TNFSF11: variants seen among roughly 807,000 people sequenced by gnomAD.
TNFSF11 encodes the protein TNF superfamily member 11.
A neutral mutation model predicts 32.2 loss-of-function variants in TNFSF11; 12 were observed. That is an observed-to-expected ratio of 0.37 (90% CI 0.24 to 0.60). The LOEUF (loss-of-function observed/expected upper bound fraction) is 0.60, where lower values mean the gene tolerates loss of function less well. Ranked by LOEUF, TNFSF11 falls within the 20% of genes least tolerant of loss-of-function variation. TNFSF11 has a pLI of 0.66. For missense variants in TNFSF11, 345 were observed against 398.0 expected (o/e 0.87, Z 1.13); for synonymous variants, 172 against 152.1 (o/e 1.13, Z -0.96).
intron 2 of TNFSF11, among the ~76,000 whole-genome samples, chr13:42,569,108 T>C (rs928438085): frequency 6.6e-6 from 1 of 152,136 alleles, no homozygotes; most frequent in African/African-American, 2.4e-5. Context: ...AAGGAATCCA[T>C]ATCCTAAGCC....
intron 2 of TNFSF11, among the ~76,000 whole-genome samples, chr13:42,568,166 G>A (rs988847752): frequency 1.3e-5 from 2 of 152,216 alleles, no homozygotes; most frequent in Non-Finnish European, 2.9e-5. Flanking sequence ...TGGGACGCAC[G>A]TAACATGCAT....
At chr13:42,599,842 T>C (rs578143894) in intron 2 of TNFSF11, among the ~76,000 whole-genome samples, 12 of 152,318 alleles carry the variant, frequency 7.9e-5, no homozygotes, top group Admixed American at 7.8e-4. Context: ...AGTGCTGGGA[T>C]GATGGGTATA....
At chr13:42,570,564 G>C (rs1464887917), upstream of TNFSF11, among the ~76,000 whole-genome samples, 1 of 152,016 alleles carries the variant, frequency 6.6e-6, no homozygotes, top group East Asian at 1.9e-4. Flanking sequence ...TAGCTTACAA[G>C]GCTTTCACTC....
chr13:42,585,112 T>A (rs1873821893), intron 2 of TNFSF11, among the ~76,000 whole-genome samples: 1 of 152,272 alleles, frequency 6.6e-6, no homozygotes. Flanking sequence ...GTTTGCCAAA[T>A]GTGTTATCCT....
chr13:42,597,631 A>G (rs1868894179), intron 2 of TNFSF11, among the ~76,000 whole-genome samples: 1 of 152,064 alleles, frequency 6.6e-6, no homozygotes, highest in Non-Finnish European at 1.5e-5. Flanking sequence ...AGGGATTGTC[A>G]TTCTCAGATG....
At chr13:42,581,336 C>G (rs1311529571) in intron 2 of TNFSF11, 43 bp downstream of exon 2, 5 of 1,607,118 alleles carry the variant, frequency 3.1e-6, no homozygotes, top group Non-Finnish European at 4.3e-6. Context: ...CCCTTGCTGA[C>G]TCTACCAATA....
chr13:42,570,653 T>A (rs1873029114), upstream of TNFSF11, among the ~76,000 whole-genome samples: 1 of 152,186 alleles, frequency 6.6e-6, no homozygotes, highest in Non-Finnish European at 1.5e-5. Flanking sequence ...GAATTTATGA[T>A]AAATAAGGCA....
intron 1 of TNFSF11, among the ~76,000 whole-genome samples, chr13:42,579,960 A>G (rs1050015946): frequency 1.3e-5 from 2 of 152,098 alleles, no homozygotes; most frequent in African/African-American, 2.4e-5. Flanking sequence ...TGAGAATCTC[A>G]GATATGGATA....
chr13:42,605,015 C>T (rs1367734442), intron 4 of TNFSF11, among the ~76,000 whole-genome samples: 1 of 152,092 alleles, frequency 6.6e-6, no homozygotes, highest in Non-Finnish European at 1.5e-5. Context: ...GAACTCCCGA[C>T]CTCATGATCC....
At chr13:42,577,162 G>A (rs561881282) in intron 1 of TNFSF11, among the ~76,000 whole-genome samples, 5 of 152,246 alleles carry the variant, frequency 3.3e-5, no homozygotes, top group South Asian at 2.1e-4. Flanking sequence ...TAAAAATGAC[G>A]AATTAGTTTT....
At chr13:42,567,820 T>G (rs1872922451) in intron 2 of TNFSF11, among the ~76,000 whole-genome samples, 1 of 152,244 alleles carries the variant, frequency 6.6e-6, no homozygotes, top group Non-Finnish European at 1.5e-5. Flanking sequence ...CACTTTACAC[T>G]TAACAAATAA....
intron 2 of TNFSF11, among the ~76,000 whole-genome samples, chr13:42,586,498 G>C (rs919542836): frequency 6.6e-6 from 1 of 152,146 alleles, no homozygotes; most frequent in African/African-American, 2.4e-5. Context: ...GTTTATTTTT[G>C]TTAGAAGTTA....
chr13:42,573,781 C>G (rs1295388376), upstream of TNFSF11, among the ~76,000 whole-genome samples: 1 of 152,066 alleles, frequency 6.6e-6, no homozygotes, highest in Non-Finnish European at 1.5e-5. Flanking sequence ...AGGAGGAAAC[C>G]GAGACTCCAG....
At chr13:42,568,292 C>A (rs1194217695) in intron 2 of TNFSF11, among the ~76,000 whole-genome samples, 1 of 152,194 alleles carries the variant, frequency 6.6e-6, no homozygotes, top group Non-Finnish European at 1.5e-5. Context: ...GTTACTCTTC[C>A]CTCTGTTGAA....
chr13:42,597,097 T>G (rs1473724266), intron 2 of TNFSF11, among the ~76,000 whole-genome samples: 2 of 152,228 alleles, frequency 1.3e-5, no homozygotes, highest in Non-Finnish European at 2.9e-5. Flanking sequence ...TCTGTGCACA[T>G]AAATAACAAT....
intron 4 of TNFSF11, among the ~76,000 whole-genome samples, chr13:42,605,790 C>A (rs911733802): frequency 1.3e-5 from 2 of 152,150 alleles, no homozygotes; most frequent in Non-Finnish European, 2.9e-5. Context: ...GTTAGCTTTT[C>A]AGTTGTGCAA....
At position 42,607,082 on chromosome 13, in the gene TNFSF11, T is replaced by A; in HGVS notation, c.*164T>A. 1 of 809,092 alleles carries A rather than the reference T, an allele frequency of 1.2e-6. No homozygotes were observed. The highest frequency in any genetic ancestry group is 1.9e-6 in the Non-Finnish European group (1 of 517,460). The allele number at this position is 809,092 out of a possible 1,614,324, so 50.1% of individuals were successfully genotyped here. A position where few individuals can be genotyped will look rare whatever the true frequency, so the allele number is the denominator to read the frequency against. ...TGACCTTGTAGAGAACACGCGTATT[T>A]ACAGCCAGTGGGAGATGTTAGACTC... On this transcript the variant is annotated 3_prime_UTR_variant, in exon 5 of 5. Coordinates refer to ENST00000398795, the MANE Select transcript of TNFSF11 (RefSeq NM_003701.4).
chr13:42,576,249 A>T (rs2137856470), intron 1 of TNFSF11, among the ~76,000 whole-genome samples: 1 of 152,320 alleles, frequency 6.6e-6, no homozygotes, highest in Middle Eastern at 3.4e-3. Context: ...AACCATGAAC[A>T]GCTTGGCTTG....
At chr13:42,568,069 C>T (rs1228434914) in intron 2 of TNFSF11, among the ~76,000 whole-genome samples, 2 of 152,268 alleles carry the variant, frequency 1.3e-5, no homozygotes, top group Non-Finnish European at 2.9e-5. Context: ...GCTGGTTTTA[C>T]AGCAGATGCA....
Sources: allele counts gnomAD v4.1 joint callset (sites outside exome capture counted in the v4.1 genomes callset), GRCh38; gene constraint gnomAD v4.1.1; transcripts MANE v1.5; gene names NCBI Gene and HGNC (gene_info 2026-07-23, HGNC 2026-07-21).